P2RX7: variants seen among roughly 807,000 people sequenced by gnomAD.
The protein encoded by P2RX7 is purinergic receptor P2X 7.
In P2RX7, 62 loss-of-function variants were observed where a neutral mutation model predicts 71.6. The observed-to-expected ratio is 0.87, with a 90% CI of 0.71 to 1.07. P2RX7 has a LOEUF of 1.07. P2RX7 is among the 50% of genes least tolerant of loss of function. The probability of loss-of-function intolerance (pLI) is 0.00; values close to 1 mark genes in which losing one functional copy is unlikely to be tolerated. For missense variants in P2RX7, 686 were observed against 748.5 expected, an observed-to-expected ratio of 0.92 and a Z score of 0.97; for synonymous variants, 299 against 283.3, an observed-to-expected ratio of 1.06 and a Z score of -0.56.
rs772623255 is a variant in P2RX7, at chr12:121,154,016, G to A, written c.126-769G>A. ...ACATGCCTGTAGTTCCAGCTACTCAGGAGGCTGAGGTGGGAGGATCAACTT... is the reference window on the plus strand; with the variant it reads ...ACATGCCTGTAGTTCCAGCTACTCAAGAGGCTGAGGTGGGAGGATCAACTT... On this transcript the variant is annotated intron_variant, in intron 1 of 12. Transcript: ENST00000328963. This position sits in a 1 kb window ranked among gnomAD's most constrained non-coding sequence, Gnocchi z 4.2. Among the ~76,000 whole-genome samples, 7 of 152,132 alleles carry A rather than the reference G, an allele frequency of 4.6e-5. No individual in the cohort carries two copies. The highest frequency in any genetic ancestry group is 8.8e-5 in the Non-Finnish European group (6 of 68,026).
intron 2 of P2RX7, 132 bp from the exon 3 acceptor site, chr12:121,155,947 C>T (rs1878483939): frequency 2.5e-6 from 2 of 785,716 alleles, no homozygotes; most frequent in Non-Finnish European, 4.3e-6. Flanking sequence ...TGGCATATTC[C>T]AAGTTGCCCA....
Position 121,184,464 on chromosome 12 carries a change from C to T in P2RX7, c.1450C>T (p.Pro484Ser). 6.2e-7 allele frequency: 1 copy of T among 1,614,184 alleles called. No individual in the cohort carries two copies. Among genetic ancestry groups the T allele is most frequent in the Non-Finnish European group, 8.5e-7 (1 of 1,180,032 alleles). The part of the protein sequence containing the change: ...PVWCQCGSCL[P>S]SQLPESHRCL... ...CTGGTGCCAGTGTGGAAGCTGCCTC[C>T]CATCTCAACTCCCTGAGAGCCACAG... is the stretch of plus-strand genomic sequence containing the variant. Residue 484 changes from proline to serine, a missense_variant, in exon 13 of 13, where the codon CCA becomes TCA. Coordinates refer to ENST00000328963, the MANE Select transcript of P2RX7 (RefSeq NM_002562.6).
At chr12:121,150,280 A>G (rs568707406) in intron 1 of P2RX7, among the ~76,000 whole-genome samples, 2 of 152,364 alleles carry the variant, frequency 1.3e-5, no homozygotes, top group Admixed American at 1.3e-4. Flanking sequence ...GATGACACAG[A>G]GACAGGTTTT....
intron 11 of P2RX7, among the ~76,000 whole-genome samples, chr12:121,178,828 A>C (rs1483927140): frequency 6.6e-6 from 1 of 151,142 alleles, no homozygotes; most frequent in Non-Finnish European, 1.5e-5. Flanking sequence ...AGGACTTGAC[A>C]AGAGCAGATC....
Position 121,185,633 on chromosome 12 carries a change from C to G in P2RX7, c.*831C>G, listed in dbSNP as rs199792910. The G allele has an allele frequency of 6.6e-6, 1 of 152,616 alleles. No homozygotes were observed. Among genetic ancestry groups the G allele is most frequent in the Non-Finnish European group, 1.5e-5 (1 of 68,048 alleles). 9.5% of individuals were successfully genotyped at this position (152,616 alleles called of 1,614,324 possible). A position where few individuals can be genotyped will look rare whatever the true frequency, so the allele number is the denominator to read the frequency against. ...CTCCTCCCCTTGAATATGGGTGGCTCTGATTGCTTTATCCAAAAGTGGAAG... is the reference window on the plus strand; with the variant it reads ...CTCCTCCCCTTGAATATGGGTGGCTGTGATTGCTTTATCCAAAAGTGGAAG... On this transcript the variant is annotated 3_prime_UTR_variant, in exon 13 of 13. Coordinates refer to ENST00000328963, the MANE Select transcript of P2RX7 (RefSeq NM_002562.6).
rs1295253883 is a variant in P2RX7, at chr12:121,184,508, C to A, written c.1494C>A (p.Cys498Ter). 6.2e-7 allele frequency: 1 copy of A among 1,614,200 alleles called. No homozygotes were observed. The change falls in exon 13 of 13, where the codon TGC becomes TGA. Residue 498 changes from cysteine (C) to a stop codon, truncating the protein, a stop_gained. Transcript: ENST00000328963. LOFTEE classifies it high-confidence loss of function. The stretch of plus-strand genomic sequence containing the variant: ...GCCACAGGTGCCTGGAGGAGCTGTG[C>A]TGCCGGAAAAAGCCGGGGGCCTGCA... ...PESHRCLEELCCRKKPGACIT... is the reference protein window; with the variant it reads ...PESHRCLEEL
intron 11 of P2RX7, 46 bp downstream of exon 11, chr12:121,177,492 A>G (rs1883357474): frequency 6.3e-7 from 1 of 1,584,602 alleles, no homozygotes; most frequent in African/African-American, 1.3e-5. Context: ...GAGAGATTCC[A>G]TGAAATCACT....
intron 3 of P2RX7, among the ~76,000 whole-genome samples, chr12:121,158,719 A>AAT (rs1309187326): frequency 6.6e-6 from 1 of 152,004 alleles, no homozygotes; most frequent in Non-Finnish European, 1.5e-5. Context: ...AAACAAAACT[A>AAT]ATGTGCTGTT....
At chr12:121,152,675 G>A (rs1286438347) in intron 1 of P2RX7, among the ~76,000 whole-genome samples, 4 of 152,096 alleles carry the variant, frequency 2.6e-5, no homozygotes, top group South Asian at 2.1e-4. Context: ...TCACGCCACC[G>A]TACCCAGTTA....
Position 121,154,817 on chromosome 12 carries a change from G to C in P2RX7, c.158G>C (p.Arg53Pro). 1 of 1,614,054 alleles carries C rather than the reference G, an allele frequency of 6.2e-7. No individual in the cohort carries two copies. Among genetic ancestry groups the C allele is most frequent in the Non-Finnish European group, 8.5e-7 (1 of 1,179,872 alleles). Residue 53 changes from arginine to proline, a missense_variant, in exon 2 of 13, where the codon CGG (arginine) becomes CCG (proline). Arg to Pro is a moderately radical substitution (Grantham distance 103). Coordinates refer to ENST00000328963, the MANE Select transcript of P2RX7 (RefSeq NM_002562.6). This position sits in a 1 kb window ranked among gnomAD's most constrained non-coding sequence, Gnocchi z 4.2. ...CTGGTGAGTGACAAGCTGTACCAGCGGAAAGAGCCTGTCATCAGTTCTGTG... is the reference window on the plus strand; with the variant it reads ...CTGGTGAGTGACAAGCTGTACCAGCCGAAAGAGCCTGTCATCAGTTCTGTG... ...FALVSDKLYQ[R>P]KEPVISSVHT...
intron 2 of P2RX7, chr12:121,155,353 G>C: frequency 7.7e-7 from 1 of 1,295,968 alleles, no homozygotes; most frequent in South Asian, 1.2e-5. Context: ...CAACAAAAAT[G>C]ACTCCAGGAG....
In P2RX7 at chr12:121,184,557, A is replaced by T. The variant is rs766363072; in HGVS notation, c.1543A>T (p.Lys515Ter). Reference sequence around the variant, plus strand: ...CATCACCACCTCAGAGCTGTTCAGGAAGCTGGTCCTGTCCAGACACGTCCT... The same window carrying T: ...CATCACCACCTCAGAGCTGTTCAGGTAGCTGGTCCTGTCCAGACACGTCCT... ...ACITTSELFR[K>*]LVLSRHVLQF... The change falls in exon 13 of 13, where the codon AAG becomes TAG. Residue 515 changes from lysine to a stop codon, truncating the protein, a stop_gained. Coordinates refer to ENST00000328963, the MANE Select transcript of P2RX7 (RefSeq NM_002562.6). LOFTEE classifies it high-confidence loss of function. 1 of 1,614,212 alleles carries T rather than the reference A, an allele frequency of 6.2e-7. No individual in the cohort carries two copies. The highest frequency in any genetic ancestry group is 2.2e-5 in the East Asian group (1 of 44,888).
intron 1 of P2RX7, among the ~76,000 whole-genome samples, chr12:121,152,623 G>A (rs945300559): frequency 6.6e-6 from 1 of 152,220 alleles, no homozygotes; most frequent in Non-Finnish European, 1.5e-5. Context: ...AGGTTCAAGC[G>A]ATTCTCCTGC....
chr12:121,162,586 T>C, intron 5 of P2RX7, 66 bp downstream of exon 5: 1 of 1,572,824 alleles, frequency 6.4e-7, no homozygotes, highest in Non-Finnish European at 8.6e-7. Context: ...TTGCCGAGGC[T>C]GCTTGGGCCT....
At chr12:121,164,485 A>G (rs1001018522) in intron 5 of P2RX7, among the ~76,000 whole-genome samples, 4 of 152,294 alleles carry the variant, frequency 2.6e-5, no homozygotes, top group South Asian at 4.1e-4. Flanking sequence ...CCATTCTCAC[A>G]CAAAGAACTA....
chr12:121,159,620 C>T (rs532376362), intron 3 of P2RX7, among the ~76,000 whole-genome samples: 2 of 152,114 alleles, frequency 1.3e-5, no homozygotes, highest in Non-Finnish European at 2.9e-5. Flanking sequence ...GCCATTTTCA[C>T]ACCTATGTCA....
At chr12:121,159,489 G>A (rs1879218847) in intron 3 of P2RX7, among the ~76,000 whole-genome samples, 1 of 150,858 alleles carries the variant, frequency 6.6e-6, no homozygotes, top group African/African-American at 2.4e-5. Context: ...AGCTGGCCAA[G>A]GTCTCTCAGC....
chr12:121,136,886 C>G (rs1277181244), intron 1 of P2RX7, among the ~76,000 whole-genome samples: 1 of 148,700 alleles, frequency 6.7e-6, no homozygotes, highest in Non-Finnish European at 1.5e-5. Flanking sequence ...TGAGCTCAAG[C>G]AATCCACCCG....
intron 1 of P2RX7, among the ~76,000 whole-genome samples, chr12:121,145,503 T>C (rs992743433): frequency 1.4e-5 from 2 of 146,098 alleles, no homozygotes; most frequent in African/African-American, 5.4e-5. Flanking sequence ...TTCTTTCTTC[T>C]TTCTTTCTTT....
Sources: gnomAD v4.1 joint callset for allele counts (sites outside exome capture counted in the v4.1 genomes callset) on GRCh38, gnomAD v4.1.1 for gene constraint, Gnocchi (gnomAD v3.1) non-coding constraint, MANE v1.5 for transcripts, NCBI Gene and HGNC (gene_info 2026-07-23, HGNC 2026-07-21) for gene names.